The following METTL8 variants were observed in gnomAD, a reference collection of about 807,000 sequenced individuals.
METTL8 encodes the protein methyltransferase 8, tRNA N3-cytidine.
A neutral mutation model predicts 48.7 loss-of-function variants in METTL8; 32 were observed. The ratio of observed to expected loss-of-function variants is 0.66; its 90% CI spans 0.50 to 0.88. The LOEUF (loss-of-function observed/expected upper bound fraction) is 0.88. METTL8 is among the 40% of genes least tolerant of loss of function. The pLI, the probability that METTL8 is intolerant of heterozygous loss-of-function variation, is 0.00. For synonymous variants in METTL8, 136 were observed against 157.1 expected, an observed-to-expected ratio of 0.87 and a Z score of 1.01; for missense variants, 464 against 474.4, an observed-to-expected ratio of 0.98 and a Z score of 0.20.
chr2:171,368,075 T>C (rs1685905025), intron 2 of METTL8, among the ~76,000 whole-genome samples: 1 of 152,216 alleles, frequency 6.6e-6, no homozygotes, highest in Non-Finnish European at 1.5e-5. Flanking sequence ...TCTGCCACCA[T>C]CCAGTGAGCA....
chr2:171,360,395 T>G (rs1326295709), intron 3 of METTL8, 27 bp downstream of exon 3: 1 of 1,599,202 alleles, frequency 6.3e-7, no homozygotes, highest in Admixed American at 1.7e-5. Flanking sequence ...GCTCTGGCTC[T>G]AGGAGCTACA....
chr2:171,413,958 C>T lies in METTL8; in HGVS notation c.-13+19925G>A, dbSNP rs147518096. On this transcript the variant is annotated intron_variant, in intron 1 of 9. Coordinates refer to ENST00000375258, the MANE Select transcript of METTL8 (RefSeq NM_001321154.2). ...AAAGAAAAAATTAGAAAGAAAATTT[C>T]GTTTCTAAAAATATATCCTATGGAT... Among the ~76,000 whole-genome samples, 219 of 152,026 alleles carry T rather than the reference C, an allele frequency of 1.4e-3. 1 individual carries two copies. The highest frequency in any genetic ancestry group is 4.8e-3 in the African/African-American group (199 of 41,442).
intron 2 of METTL8, among the ~76,000 whole-genome samples, chr2:171,378,229 G>A (rs188175555): frequency 3.9e-5 from 6 of 152,310 alleles, no homozygotes; most frequent in Admixed American, 1.3e-4. Flanking sequence ...TCAAAATAAA[G>A]GGATGGAGGA....
chr2:171,420,722 CAA>C (rs1691785165), intron 1 of METTL8, among the ~76,000 whole-genome samples: 1 of 152,118 alleles, frequency 6.6e-6, no homozygotes, highest in Non-Finnish European at 1.5e-5. Flanking sequence ...TAAATAAACC[CAA>C]GTTTGGTTTA....
intron 1 of METTL8, chr2:171,433,107 CACG>C (rs1025748078): frequency 5.3e-5 from 8 of 152,184 alleles, no homozygotes; most frequent in African/African-American, 1.7e-4. Context: ...AACCCTTGGA[CACG>C]ACGACATTCC....
intron 3 of METTL8, 54 bp from the exon 4 acceptor site, chr2:171,339,608 T>C (rs1686495020): frequency 2.1e-6 from 2 of 972,562 alleles, no homozygotes; most frequent in Non-Finnish European, 3.0e-6. Context: ...ATATTTACTA[T>C]TAGCTACTGT....
intron 5 of METTL8, among the ~76,000 whole-genome samples, chr2:171,336,082 TC>T (rs1686053243): frequency 2.0e-5 from 3 of 151,182 alleles, no homozygotes; most frequent in African/African-American, 7.3e-5. Flanking sequence ...CAAATCTCTG[TC>T]CCTGTAGTCA....
chr2:171,375,911 G>C (rs1040992124), intron 2 of METTL8, among the ~76,000 whole-genome samples: 1 of 152,234 alleles, frequency 6.6e-6, no homozygotes, highest in Admixed American at 6.5e-5. Context: ...TTATTTTGCA[G>C]GTAAATTCTC....
rs1393410608 is a variant in METTL8 at position 171,319,469 on chromosome 2, C to G, written c.*4703G>C. On this transcript the variant is annotated 3_prime_UTR_variant, in exon 10 of 10. Transcript: ENST00000375258. ...ATGAGTTGGAAGTTTTGGGGTTTAA[C>G]AATCCAGATGGTTCTGATAGCTTTA... 1 of 152,240 alleles carries G rather than the reference C, an allele frequency of 6.6e-6. No homozygotes were observed. Among genetic ancestry groups the G allele is most frequent in the Non-Finnish European group, 1.5e-5 (1 of 68,046 alleles). The allele number at this position is 152,240 out of a possible 1,614,324, so 9.4% of individuals were successfully genotyped here.
chr2:171,434,024 G>A (rs1693515719), upstream of METTL8: 1 of 276,582 alleles, frequency 3.6e-6, no homozygotes, highest in Admixed American at 5.1e-5. Flanking sequence ...CCTAAGTGCA[G>A]GGCGCACACA....
intron 3 of METTL8, among the ~76,000 whole-genome samples, chr2:171,344,669 T>C (rs1323445499): frequency 2.0e-5 from 3 of 152,182 alleles, no homozygotes; most frequent in Non-Finnish European, 4.4e-5. Context: ...TCTATGAGAA[T>C]ATATGGGTTT....
intron 1 of METTL8, among the ~76,000 whole-genome samples, chr2:171,423,316 G>A: frequency 6.6e-6 from 1 of 152,174 alleles, no homozygotes; most frequent in Non-Finnish European, 1.5e-5. Context: ...ATGGGGTGCT[G>A]CTGTAAAGAT....
At chr2:171,357,400 A>T (rs1490336932) in intron 3 of METTL8, among the ~76,000 whole-genome samples, 1 of 152,256 alleles carries the variant, frequency 6.6e-6, no homozygotes, top group East Asian at 1.9e-4. Flanking sequence ...GAACAATCTG[A>T]AAAAGAAATC....
chr2:171,349,608 T>C (rs145325150), intron 3 of METTL8, among the ~76,000 whole-genome samples: 20 of 152,334 alleles, frequency 1.3e-4, no homozygotes, highest in African/African-American at 4.1e-4. Flanking sequence ...CTATTGTGAA[T>C]AGTGCTGCTA....
chr2:171,331,919 G>A (rs117159994), intron 5 of METTL8, 52 bp from the exon 6 acceptor site: 34 of 1,357,798 alleles, frequency 2.5e-5, no homozygotes, highest in African/African-American at 4.3e-5. Context: ...AGGGTCTTGC[G>A]CTGTTGCCCA....
At chr2:171,324,596 C>T (rs936984229) in intron 9 of METTL8, among the ~76,000 whole-genome samples, 1 of 152,280 alleles carries the variant, frequency 6.6e-6, no homozygotes, top group East Asian at 1.9e-4. Flanking sequence ...CAGACATCAA[C>T]AGATATATAA....
At chr2:171,324,613 T>G (rs1272173722) in intron 9 of METTL8, among the ~76,000 whole-genome samples, 1 of 152,244 alleles carries the variant, frequency 6.6e-6, no homozygotes, top group African/African-American at 2.4e-5. Flanking sequence ...ATAAAACTAT[T>G]GGTTGCAGCT....
At chr2:171,360,360 A>T in intron 3 of METTL8, 62 bp downstream of exon 3, 1 of 1,386,750 alleles carries the variant, frequency 7.2e-7, no homozygotes, top group Non-Finnish European at 1.0e-6. Flanking sequence ...AAGCAATGAC[A>T]CGAGGAGGAG....
chr2:171,418,702 C>T (rs548891436), intron 1 of METTL8, among the ~76,000 whole-genome samples: 2 of 152,114 alleles, frequency 1.3e-5, no homozygotes, highest in South Asian at 2.1e-4. Context: ...GATTATAATC[C>T]CAGCACTTTG....
Sources: allele counts gnomAD v4.1 joint callset (sites outside exome capture counted in the v4.1 genomes callset), GRCh38; gene constraint gnomAD v4.1.1; transcripts MANE v1.5; gene names NCBI Gene and HGNC (gene_info 2026-07-23, HGNC 2026-07-21).